SEPTIN9: variants seen among roughly 807,000 people sequenced by gnomAD.
The protein encoded by SEPTIN9 is septin 9.
Under a neutral mutation model 56.6 loss-of-function variants are expected in SEPTIN9, and 13 were observed. The ratio of observed to expected loss-of-function variants is 0.23; its 90% CI spans 0.15 to 0.37. The LOEUF is 0.37. SEPTIN9 is among the 10% of genes least tolerant of loss of function. The pLI, the probability that SEPTIN9 is intolerant of heterozygous loss-of-function variation, is 1.00. For missense variants in SEPTIN9, 650 were observed against 823.1 expected (o/e 0.79, Z 2.57); for synonymous variants, 332 against 334.1 (o/e 0.99, Z 0.07).
At position 77,317,119 on chromosome 17, in the gene SEPTIN9, C is replaced by T. The variant is rs145630772; in HGVS notation, c.76+9922C>T. ...ACTCCAGTGAGCTGAGCCCTGGCTCCGTCTGTGGCGCTGCATCAGTTTCCT... is the reference window on the plus strand; with the variant it reads ...ACTCCAGTGAGCTGAGCCCTGGCTCTGTCTGTGGCGCTGCATCAGTTTCCT... On this transcript the variant is annotated intron_variant, in intron 2 of 11. Transcript: ENST00000427177. The surrounding 1 kb of genome is among the most constrained non-coding windows in gnomAD (Gnocchi z 4.2). Among the ~76,000 whole-genome samples the T allele has an allele frequency of 8.1e-4, 124 of 152,298 alleles. 1 individual carries two copies. The highest frequency in any genetic ancestry group is 2.6e-3 in the African/African-American group (107 of 41,540).
At chr17:77,320,391 C>CCGAGTCCAGGGCAG in intron 2 of SEPTIN9, 1 of 1,555,376 alleles carries the variant, frequency 6.4e-7, no homozygotes, top group Non-Finnish European at 8.9e-7. Flanking sequence ...CCCCACTGCC[C>CCGAGTCCAGGGCAG]TGGACTCGGG....
At chr17:77,359,137 C>T (rs767341917) in intron 2 of SEPTIN9, among the ~76,000 whole-genome samples, 8 of 152,198 alleles carry the variant, frequency 5.3e-5, no homozygotes, top group Non-Finnish European at 1.2e-4. Context: ...TCAGCTCCTT[C>T]CCACTGGCCA....
At chr17:77,412,736 A>G (rs1001068373) in intron 3 of SEPTIN9, among the ~76,000 whole-genome samples, 7 of 152,106 alleles carry the variant, frequency 4.6e-5, no homozygotes, top group Non-Finnish European at 7.4e-5. Context: ...AAAAAAAAAA[A>G]GAGTTATTTG....
intron 4 of SEPTIN9, among the ~76,000 whole-genome samples, chr17:77,484,856 TG>T (rs2039649712): frequency 2.0e-5 from 2 of 101,922 alleles, no homozygotes; most frequent in Admixed American, 1.0e-4. Flanking sequence ...GGTGGTGATG[TG>T]GGTGGTGGTG....
chr17:77,462,985 G>C (rs2144510921), intron 3 of SEPTIN9, among the ~76,000 whole-genome samples: 1 of 152,300 alleles, frequency 6.6e-6, no homozygotes, highest in Non-Finnish European at 1.5e-5. Context: ...AGAGTGGAAA[G>C]TCGTGGGAAA....
At chr17:77,303,981 G>T (rs2032164006) in intron 1 of SEPTIN9, among the ~76,000 whole-genome samples, 1 of 152,172 alleles carries the variant, frequency 6.6e-6, no homozygotes, top group South Asian at 2.1e-4. Flanking sequence ...CAGACAGCTA[G>T]ATTTCAATTG....
chr17:77,387,468 C>A (rs1459867281), intron 2 of SEPTIN9, among the ~76,000 whole-genome samples: 2 of 152,200 alleles, frequency 1.3e-5, no homozygotes, highest in African/African-American at 4.8e-5. Flanking sequence ...AGGGCTCTGG[C>A]ATGTCTTTTG....
At chr17:77,350,803 C>T (rs1033638593) in intron 2 of SEPTIN9, among the ~76,000 whole-genome samples, 4 of 152,238 alleles carry the variant, frequency 2.6e-5, no homozygotes, top group African/African-American at 9.6e-5. Context: ...GCATGCCTTC[C>T]ACAACTAGAA....
At chr17:77,320,027 C>T in intron 2 of SEPTIN9, 2 of 1,347,570 alleles carry the variant, frequency 1.5e-6, no homozygotes, top group South Asian at 3.4e-5. Flanking sequence ...ACTTCGGGCC[C>T]TCTCTCCTGC....
chr17:77,303,745 C>T (rs2032156581), intron 1 of SEPTIN9, among the ~76,000 whole-genome samples: 1 of 151,938 alleles, frequency 6.6e-6, no homozygotes, highest in Non-Finnish European at 1.5e-5. Context: ...TTGTGCCAGG[C>T]ACTGTGCTAG....
rs115394469 is a variant in SEPTIN9, at chr17:77,494,124, G to A, written c.1573+1048G>A. Among the ~76,000 whole-genome samples the A allele has an allele frequency of 5.3e-5, 8 of 151,378 alleles. No individual in the cohort carries two copies. In the East Asian group the frequency reaches 1.4e-3, roughly 26 times the overall value. On this transcript the variant is annotated intron_variant, in intron 10 of 11. Transcript: ENST00000427177. The stretch of plus-strand genomic sequence containing the variant: ...AAGGATGCCTGTCTTTGGACTTAGG[G>A]CCTACCCTAAGTGGATGATCCCATT...
At chr17:77,485,475 T>G (rs1175490079) in intron 4 of SEPTIN9, among the ~76,000 whole-genome samples, 1 of 150,968 alleles carries the variant, frequency 6.6e-6, no homozygotes, top group African/African-American at 2.4e-5. Context: ...GATGGGATGA[T>G]GGTAATAGCA....
rs2037279315 is a variant in SEPTIN9 at position 77,434,828 on chromosome 17, G to T, written c.721+32125G>T. ...CTGGGGCCTTCAGTCCTTAATTCAG[G>T]AGGGTAGCCAGTCGCTGGAACTAAG... On this transcript the variant is annotated intron_variant, in intron 3 of 11. Coordinates refer to ENST00000427177, the MANE Select transcript of SEPTIN9 (RefSeq NM_001113491.2). This position sits in a 1 kb window ranked among gnomAD's most constrained non-coding sequence, Gnocchi z 5.0. 6.6e-6 allele frequency among the ~76,000 whole-genome samples: 1 copy of T among 152,204 alleles called. No individual in the cohort carries two copies. Among genetic ancestry groups the T allele is most frequent in the African/African-American group, 2.4e-5 (1 of 41,456 alleles).
At chr17:77,472,520 C>G (rs2039045000) in intron 3 of SEPTIN9, 1 of 152,242 alleles carries the variant, frequency 6.6e-6, no homozygotes, top group South Asian at 2.1e-4. Context: ...GTTGGCTCTT[C>G]CACCTTGTTA....
rs1296705469 is a variant in SEPTIN9, at chr17:77,329,990, G to C, written c.76+22793G>C. ...CCATGCCCCCGCTCCAGGCAACACA[G>C]TCGAGCTGCAGCCCCCGCTCCATCC... On this transcript the variant is annotated intron_variant, in intron 2 of 11. Transcript: ENST00000427177. This position sits in a 1 kb window ranked among gnomAD's most constrained non-coding sequence, Gnocchi z 4.3. 1.3e-5 allele frequency among the ~76,000 whole-genome samples: 2 copies of C among 152,170 alleles called. No homozygotes were observed. Among genetic ancestry groups the C allele is most frequent in the East Asian group, 1.9e-4 (1 of 5,182 alleles).
chr17:77,406,176 T>A (rs1197204930), intron 3 of SEPTIN9, among the ~76,000 whole-genome samples: 1 of 152,244 alleles, frequency 6.6e-6, no homozygotes, highest in Non-Finnish European at 1.5e-5. Flanking sequence ...CCTTCTCTGC[T>A]CACTCACCAT....
At chr17:77,338,474 A>G (rs1013127638) in intron 2 of SEPTIN9, among the ~76,000 whole-genome samples, 2 of 151,966 alleles carry the variant, frequency 1.3e-5, no homozygotes, top group African/African-American at 4.8e-5. Context: ...GCTGGAGTGC[A>G]GTGGCACGAT....
chr17:77,440,784 A>G (rs2037520090), intron 3 of SEPTIN9, among the ~76,000 whole-genome samples: 1 of 152,174 alleles, frequency 6.6e-6, no homozygotes, highest in Non-Finnish European at 1.5e-5. Flanking sequence ...CAGATGAGAG[A>G]GCATTGCCTC....
chr17:77,432,512 G>T (rs563489301), intron 3 of SEPTIN9, among the ~76,000 whole-genome samples: 1 of 152,362 alleles, frequency 6.6e-6, no homozygotes, highest in African/African-American at 2.4e-5. Context: ...TGACCCAAGG[G>T]TTCCCTTTGC....
Sources: allele counts gnomAD v4.1 joint callset (sites outside exome capture counted in the v4.1 genomes callset), GRCh38; gene constraint gnomAD v4.1.1; non-coding constraint Gnocchi (gnomAD v3.1); transcripts MANE v1.5; gene names NCBI Gene and HGNC (gene_info 2026-07-23, HGNC 2026-07-21).